The following GRM1 variants were observed in gnomAD, a reference collection of about 807,000 sequenced individuals.
The protein encoded by GRM1 is metabotropic glutamate receptor 1.
In GRM1, 33 loss-of-function variants were observed where a neutral mutation model predicts 90.9. The ratio of observed to expected loss-of-function variants is 0.36; its 90% confidence interval spans 0.28 to 0.49. GRM1 has a LOEUF of 0.49. GRM1 is among the 20% of genes least tolerant of loss of function. GRM1 has a pLI of 0.99. For synonymous variants in GRM1, 700 were observed against 613.2 expected (o/e 1.14, Z -2.09); for missense variants, 1,190 against 1,534.3 (o/e 0.78, Z 3.75).
intron 1 of GRM1, among the ~76,000 whole-genome samples, chr6:146,072,897 A>G (rs1776060441): frequency 6.6e-6 from 1 of 152,120 alleles, no homozygotes. Context: ...ATGAAGATTA[A>G]TAAGAAATGG....
chr6:146,246,225 A>G (rs1781055331), intron 2 of GRM1, among the ~76,000 whole-genome samples: 1 of 152,306 alleles, frequency 6.6e-6, no homozygotes, highest in East Asian at 1.9e-4. Flanking sequence ...CAACTTAGCA[A>G]CAGATGAGTC....
At chr6:146,105,037 A>G (rs1777181129) in intron 1 of GRM1, among the ~76,000 whole-genome samples, 1 of 152,094 alleles carries the variant, frequency 6.6e-6, no homozygotes, top group Non-Finnish European at 1.5e-5. Flanking sequence ...TTTTATGGAT[A>G]TTTCCCTTGG....
chr6:146,347,091 T>C (rs770182792), intron 3 of GRM1, among the ~76,000 whole-genome samples: 15 of 152,228 alleles, frequency 9.9e-5, no homozygotes, highest in Non-Finnish European at 2.1e-4. Flanking sequence ...CATCAACAAA[T>C]GTACTTTATT....
intron 3 of GRM1, among the ~76,000 whole-genome samples, chr6:146,345,185 A>C (rs560224839): frequency 4.9e-4 from 74 of 152,320 alleles, no homozygotes; most frequent in African/African-American, 1.8e-3. Context: ...TTAAATCACA[A>C]AGTCTGTTCA....
intron 7 of GRM1, among the ~76,000 whole-genome samples, chr6:146,416,450 A>C (rs1777787789): frequency 6.6e-6 from 1 of 152,162 alleles, no homozygotes; most frequent in Admixed American, 6.5e-5. Flanking sequence ...ATAGTCTCAA[A>C]TAAATTAGTA....
intron 5 of GRM1, among the ~76,000 whole-genome samples, chr6:146,367,327 G>C (rs1005984782): frequency 3.3e-5 from 5 of 152,166 alleles, no homozygotes; most frequent in Non-Finnish European, 7.4e-5. Flanking sequence ...GTTGAAGTCA[G>C]ATAGTGTGAT....
chr6:146,354,470 C>CTT (rs3216608), intron 4 of GRM1, among the ~76,000 whole-genome samples: 30,216 of 152,190 alleles, frequency 0.2, 3,301 homozygotes, highest in South Asian at 0.27. Context: ...TCTTCTCTCT[C>CTT]TACAAGTTAT....
At chr6:146,032,934 T>A (rs1313515341) in intron 1 of GRM1, among the ~76,000 whole-genome samples, 2 of 152,200 alleles carry the variant, frequency 1.3e-5, no homozygotes, top group Non-Finnish European at 2.9e-5. Context: ...ATATTGAAGC[T>A]AAACTTGCAG....
chr6:146,089,255 C>T (rs188393850), intron 1 of GRM1, among the ~76,000 whole-genome samples: 1 of 152,224 alleles, frequency 6.6e-6, no homozygotes, highest in East Asian at 1.9e-4. Flanking sequence ...AGCCAAGAAC[C>T]AGCAAGAAGC....
chr6:146,175,225 T>G (rs1000272697), intron 2 of GRM1, among the ~76,000 whole-genome samples: 1 of 152,228 alleles, frequency 6.6e-6, no homozygotes, highest in Non-Finnish European at 1.5e-5. Flanking sequence ...TGGAAATCAC[T>G]TTTTCTGATT....
At chr6:146,249,622 C>G (rs1781201328) in intron 2 of GRM1, among the ~76,000 whole-genome samples, 1 of 152,122 alleles carries the variant, frequency 6.6e-6, no homozygotes. Context: ...AGGGGTGGGG[C>G]AGAGACCTCA....
chr6:146,277,823 T>C (rs1004095947), intron 2 of GRM1, among the ~76,000 whole-genome samples: 2 of 152,304 alleles, frequency 1.3e-5, no homozygotes, highest in East Asian at 3.9e-4. Context: ...AAGACAGTCT[T>C]TTAATTAATA....
chr6:146,118,334 T>A (rs1377888746), intron 1 of GRM1, among the ~76,000 whole-genome samples: 1 of 151,934 alleles, frequency 6.6e-6, no homozygotes, highest in Non-Finnish European at 1.5e-5. Context: ...AGAGACAAGG[T>A]TTCACCGTGT....
intron 2 of GRM1, among the ~76,000 whole-genome samples, chr6:146,280,995 G>T (rs1031831801): frequency 1.3e-5 from 2 of 152,030 alleles, no homozygotes; most frequent in African/African-American, 4.8e-5. Context: ...GCCTTTGGAA[G>T]ACAACTTTAT....
At chr6:146,295,721 G>C (rs538197224) in intron 2 of GRM1, among the ~76,000 whole-genome samples, 2 of 152,078 alleles carry the variant, frequency 1.3e-5, no homozygotes, top group African/African-American at 4.8e-5. Flanking sequence ...TTATCTTAGT[G>C]GGCATATTTT....
intron 2 of GRM1, among the ~76,000 whole-genome samples, chr6:146,161,832 A>G (rs115464208): frequency 0.021 from 3,140 of 152,216 alleles, 50 homozygotes; most frequent in Middle Eastern, 0.034. Flanking sequence ...TTGGCTCACA[A>G]TTTTCTCTCC....
chr6:146,188,171 C>G (rs117896639), intron 2 of GRM1, among the ~76,000 whole-genome samples: 1,849 of 152,222 alleles, frequency 0.012, 78 homozygotes, highest in East Asian at 0.091. Context: ...ACTGAGATGT[C>G]TGAAATAGCC....
At chr6:146,395,084 T>C (rs1319242678) in intron 6 of GRM1, among the ~76,000 whole-genome samples, 1 of 151,982 alleles carries the variant, frequency 6.6e-6, no homozygotes, top group African/African-American at 2.4e-5. Flanking sequence ...GCTTGAGATA[T>C]CTACAGATTT....
At chr6:146,060,788 A>G (rs1181514172) in intron 1 of GRM1, among the ~76,000 whole-genome samples, 1 of 152,166 alleles carries the variant, frequency 6.6e-6, no homozygotes, top group Non-Finnish European at 1.5e-5. Flanking sequence ...GCTGGGTTGA[A>G]TGGTAGCTCT....
Sources: allele counts gnomAD v4.1 joint callset (sites outside exome capture counted in the v4.1 genomes callset), GRCh38; gene constraint gnomAD v4.1.1; transcripts MANE v1.5; gene names NCBI Gene and HGNC (gene_info 2026-07-23, HGNC 2026-07-21).